The following CPS1 variants were observed in gnomAD, a reference collection of about 807,000 sequenced individuals.
CPS1 encodes carbamoyl-phosphate synthase [ammonia], mitochondrial.
CPS1 carries 109 observed loss-of-function variants against 174.6 expected under a neutral mutation model. The observed-to-expected ratio is 0.62, with a 90% confidence interval of 0.53 to 0.73. The LOEUF is 0.73. CPS1 is among the 30% of genes least tolerant of loss of function. The probability of loss-of-function intolerance (pLI) is 0.00; values close to 1 mark genes in which losing one functional copy is unlikely to be tolerated. For missense variants in CPS1, 1,689 were observed against 1,821.9 expected, an observed-to-expected ratio of 0.93 and a Z score of 1.33; for synonymous variants, 637 against 632.0, an observed-to-expected ratio of 1.01 and a Z score of -0.12.
intron 1 of CPS1, among the ~76,000 whole-genome samples, chr2:210,566,325 T>G (rs987989852): frequency 2.4e-4 from 36 of 152,130 alleles, no homozygotes; most frequent in African/African-American, 8.7e-4. Flanking sequence ...CATCTAGGGT[T>G]CCAACAATCT....
rs1433664240 is a variant in CPS1 at position 210,656,627 on chromosome 2, G to A, written c.3661G>A (p.Glu1221Lys). The A allele has an allele frequency of 6.2e-7, 1 of 1,607,116 alleles. No homozygotes were observed. The highest frequency in any genetic ancestry group is 1.1e-5 in the South Asian group (1 of 90,894). Reference protein sequence around the residue: ...PTQTISQGAIEKVKDATRKIA... With the variant: ...PTQTISQGAIKKVKDATRKIA... ...ACAAACCATCAGCCAAGGGGCCATT[G>A]AAAAGGTCATCATTTATAAATAAAA... is the stretch of plus-strand genomic sequence containing the variant. Residue 1221 changes from glutamate (E) to lysine (K), a missense_variant, in exon 30 of 38, where the codon GAA becomes AAA. Coordinates refer to ENST00000233072, the MANE Select transcript of CPS1 (RefSeq NM_001875.5).
intron 1 of CPS1, among the ~76,000 whole-genome samples, chr2:210,540,706 T>G (rs1696373438): frequency 6.6e-6 from 1 of 152,174 alleles, no homozygotes; most frequent in South Asian, 2.1e-4. Context: ...TTGTTCAAGG[T>G]CACACAAATG....
chr2:210,634,362 G>A (rs1340349219), intron 21 of CPS1, among the ~76,000 whole-genome samples: 1 of 152,308 alleles, frequency 6.6e-6, no homozygotes. Flanking sequence ...CCCGGGAGGC[G>A]GAGCTTGCAG....
chr2:210,526,163 A>G (rs911699277), intron 1 of CPS1, among the ~76,000 whole-genome samples: 10 of 151,928 alleles, frequency 6.6e-5, no homozygotes, highest in Non-Finnish European at 1.5e-4. Context: ...GTTCTCACTC[A>G]TAAGTGGGAG....
At chr2:210,584,078 GA>G (rs1346468405) in intron 6 of CPS1, among the ~76,000 whole-genome samples, 4 of 152,124 alleles carry the variant, frequency 2.6e-5, no homozygotes, top group Admixed American at 6.6e-5. Flanking sequence ...ATACTGCTAT[GA>G]AATTTTTTTA....
At chr2:210,504,713 T>G (rs1314703020) in intron 1 of CPS1, among the ~76,000 whole-genome samples, 1 of 152,204 alleles carries the variant, frequency 6.6e-6, no homozygotes, top group Non-Finnish European at 1.5e-5. Flanking sequence ...TGTAGCTATA[T>G]TTCTTTTGGT....
intron 21 of CPS1, among the ~76,000 whole-genome samples, chr2:210,628,868 T>C (rs1699775391): frequency 6.6e-6 from 1 of 152,142 alleles, no homozygotes; most frequent in Non-Finnish European, 1.5e-5. Flanking sequence ...AAGAAAGATA[T>C]ATTGAAATAT....
chr2:210,669,924 A>G (rs1251573685), intron 34 of CPS1, among the ~76,000 whole-genome samples: 1 of 152,126 alleles, frequency 6.6e-6, no homozygotes, highest in Non-Finnish European at 1.5e-5. Context: ...AGTGATGTAT[A>G]AAATTGTGCC....
At chr2:210,534,883 G>A (rs1171828607) in intron 1 of CPS1, among the ~76,000 whole-genome samples, 2 of 152,202 alleles carry the variant, frequency 1.3e-5, no homozygotes, top group Non-Finnish European at 2.9e-5. Flanking sequence ...GAGGGGAGGA[G>A]TGTCCTATTC....
chr2:210,498,202 T>C (rs201218611), intron 1 of CPS1, among the ~76,000 whole-genome samples: 4 of 152,072 alleles, frequency 2.6e-5, no homozygotes, highest in South Asian at 4.2e-4. Flanking sequence ...TGCTGACGTA[T>C]GAAGATGACA....
In CPS1 at chr2:210,674,552, C is replaced by T. The variant is rs536322283; in HGVS notation, c.4102-350C>T. On this transcript the variant is annotated intron_variant, in intron 34 of 37. Transcript: ENST00000233072. ...CAGCTAGCCTGACTCGGTACTGGCT[C>T]CTAACCCGCATATCTTTTAAGTCCT... The T allele has an allele frequency of 5.4e-5, 15 of 276,854 alleles. No homozygotes were observed. In the South Asian group the frequency reaches 7.0e-4, roughly 13 times the overall value. The allele number at this position is 276,854 out of a possible 1,614,324, so 17.1% of individuals were successfully genotyped here. A position where few individuals can be genotyped will look rare whatever the true frequency, so the allele number is the denominator to read the frequency against.
chr2:210,505,829 C>A (rs1030792892), intron 1 of CPS1, among the ~76,000 whole-genome samples: 1 of 152,136 alleles, frequency 6.6e-6, no homozygotes, highest in Non-Finnish European at 1.5e-5. Flanking sequence ...AAGGTGGCAG[C>A]GAGGCTGGGG....
rs1701598965 is a variant in CPS1, at chr2:210,678,327, A to G, written c.*342A>G. 5.4e-6 allele frequency: 2 copies of G among 367,232 alleles called. No individual in the cohort carries two copies. The highest frequency in any genetic ancestry group is 1.0e-5 in the Non-Finnish European group (2 of 193,792). The allele number at this position is 367,232 out of a possible 1,614,324, so 22.7% of individuals were successfully genotyped here. Reference sequence around the variant, plus strand: ...GAAAAGTTGCTGTTCTATTTTCTGAACTCTTTCTATACTTTAAGATACTCT... The same window carrying G: ...GAAAAGTTGCTGTTCTATTTTCTGAGCTCTTTCTATACTTTAAGATACTCT... On this transcript the variant is annotated 3_prime_UTR_variant, in exon 38 of 38. Transcript: ENST00000233072.
intron 3 of CPS1, 34 bp downstream of exon 3, chr2:210,576,524 A>G (rs933097630): frequency 6.2e-7 from 1 of 1,612,206 alleles, no homozygotes; most frequent in African/African-American, 1.3e-5. Context: ...AAAAGTCTCA[A>G]TTTGAGGGAG....
At chr2:210,584,915 G>T (rs1266836141) in intron 6 of CPS1, among the ~76,000 whole-genome samples, 2 of 152,086 alleles carry the variant, frequency 1.3e-5, no homozygotes, top group African/African-American at 4.8e-5. Context: ...GAATATGTTT[G>T]TTTGCTTCTC....
chr2:210,550,648 G>A (rs1273397666), intron 1 of CPS1, among the ~76,000 whole-genome samples: 1 of 151,846 alleles, frequency 6.6e-6, no homozygotes, highest in Non-Finnish European at 1.5e-5. Flanking sequence ...CAATAGAACA[G>A]ATTTATTTAA....
Position 210,545,377 on chromosome 2 carries a change from G to A in CPS1, c.4-11342G>A, listed in dbSNP as rs369331015. On this transcript the variant is annotated intron_variant, in intron 1 of 38. Transcript: ENST00000430249. ...TTTATTATTCCTGAGTTTTAAACCC[G>A]TGTAACTTTAATATAACTTTGGTAT... Among the ~76,000 whole-genome samples, 122 of 152,082 alleles carry A rather than the reference G, an allele frequency of 8.0e-4. No homozygotes were observed. In the South Asian group the frequency reaches 9.3e-3, roughly 12 times the overall value.
intron 34 of CPS1, chr2:210,672,259 C>T (rs1701332572): frequency 6.6e-6 from 1 of 152,114 alleles, no homozygotes; most frequent in South Asian, 2.1e-4. Flanking sequence ...TATTGTCAAA[C>T]ATATTATCAG....
chr2:210,517,788 G>T (rs1411216300), intron 1 of CPS1, among the ~76,000 whole-genome samples: 1 of 151,928 alleles, frequency 6.6e-6, no homozygotes, highest in Non-Finnish European at 1.5e-5. Context: ...AAAGTTCGCA[G>T]TTAGAAGGAT....
Sources: allele counts gnomAD v4.1 joint callset (sites outside exome capture counted in the v4.1 genomes callset), GRCh38; gene constraint gnomAD v4.1.1; transcripts MANE v1.5; gene names NCBI Gene and HGNC (gene_info 2026-07-23, HGNC 2026-07-21).